The following GAS2 variants were observed in gnomAD, a reference collection of about 807,000 sequenced individuals.
GAS2 encodes the protein growth arrest-specific protein 2.
In GAS2, 20 loss-of-function variants were observed where a neutral mutation model predicts 37.5. The ratio of observed to expected loss-of-function variants is 0.53; its 90% CI spans 0.37 to 0.77. GAS2 has a LOEUF of 0.77. Ranked by LOEUF, GAS2 falls within the 30% of genes least tolerant of loss-of-function variation. GAS2 has a pLI of 0.00. For synonymous variants in GAS2, 144 were observed against 132.2 expected (o/e 1.09, Z -0.61); for missense variants, 336 against 373.4 (o/e 0.90, Z 0.82).
chr11:22,657,558 C>T (rs1848870125), intron 1 of GAS2, among the ~76,000 whole-genome samples: 1 of 151,686 alleles, frequency 6.6e-6, no homozygotes, highest in Non-Finnish European at 1.5e-5. Context: ...CACACACACT[C>T]ACATGCACAC....
rs544460266 is a variant in GAS2 at position 22,719,051 on chromosome 11, A to C, written c.268-7241A>C. On this transcript the variant is annotated intron_variant, in intron 3 of 7. Transcript: ENST00000454584. ...TTAAAGCTTTGTTAAGGTATAATTA[A>C]CATGTAACAAAAATTACATATATTT... Among the ~76,000 whole-genome samples the C allele has an allele frequency of 2.0e-5, 3 of 152,280 alleles. No individual in the cohort carries two copies. In the East Asian group the frequency reaches 5.8e-4, roughly 29 times the overall value.
chr11:22,790,482 C>G (rs1158482837), intron 7 of GAS2, among the ~76,000 whole-genome samples: 1 of 151,736 alleles, frequency 6.6e-6, no homozygotes, highest in African/African-American at 2.4e-5. Flanking sequence ...CAACAATGTC[C>G]TACTTTTCTT....
intron 6 of GAS2, among the ~76,000 whole-genome samples, chr11:22,753,332 A>C (rs1853849627): frequency 6.6e-6 from 1 of 152,058 alleles, no homozygotes; most frequent in Admixed American, 6.6e-5. Context: ...CAACTACAAA[A>C]ACAGCCCTTG....
intron 3 of GAS2, among the ~76,000 whole-genome samples, chr11:22,694,689 A>G (rs965622892): frequency 6.6e-6 from 1 of 152,176 alleles, no homozygotes; most frequent in African/African-American, 2.4e-5. Context: ...TAGCAAATCT[A>G]GCAAACTTTA....
chr11:22,638,895 A>T (rs958446167), intron 1 of GAS2, among the ~76,000 whole-genome samples: 2 of 151,926 alleles, frequency 1.3e-5, no homozygotes, highest in East Asian at 1.9e-4. Context: ...TTTTTGGGAA[A>T]TTTTTTGATC....
chr11:22,773,482 C>T (rs1211144459), intron 7 of GAS2, among the ~76,000 whole-genome samples: 1 of 148,802 alleles, frequency 6.7e-6, no homozygotes, highest in Admixed American at 6.7e-5. Flanking sequence ...CAAGCTCCGC[C>T]TCCCGGATTC....
upstream of GAS2, among the ~76,000 whole-genome samples, chr11:22,663,357 G>C (rs549014379): frequency 6.6e-6 from 1 of 151,818 alleles, no homozygotes; most frequent in East Asian, 1.9e-4. Context: ...AGAGCCTGAA[G>C]GTCAAGGCTG....
At chr11:22,770,909 A>G (rs1172537207) in intron 7 of GAS2, among the ~76,000 whole-genome samples, 2 of 152,114 alleles carry the variant, frequency 1.3e-5, no homozygotes, top group Non-Finnish European at 1.5e-5. Flanking sequence ...TATGAACTTC[A>G]TATCTTCTTG....
At chr11:22,810,083 T>A (rs1006439233) in intron 7 of GAS2, among the ~76,000 whole-genome samples, 1 of 152,182 alleles carries the variant, frequency 6.6e-6, no homozygotes, top group East Asian at 1.9e-4. Context: ...CACTGAAACA[T>A]TGAGTATTTC....
At chr11:22,627,081 C>A (rs1450092047) in intron 1 of GAS2, among the ~76,000 whole-genome samples, 1 of 152,202 alleles carries the variant, frequency 6.6e-6, no homozygotes, top group Non-Finnish European at 1.5e-5. Context: ...GCGTGTGCCA[C>A]CGCGCCCGGC....
chr11:22,754,389 C>T (rs1417425259), intron 6 of GAS2, among the ~76,000 whole-genome samples: 1 of 151,922 alleles, frequency 6.6e-6, no homozygotes, highest in Admixed American at 6.6e-5. Context: ...AAATGAGATA[C>T]AATATGCTAT....
chr11:22,691,509 G>GA (rs963120959), intron 3 of GAS2, among the ~76,000 whole-genome samples: 15 of 152,134 alleles, frequency 9.9e-5, no homozygotes, highest in African/African-American at 3.6e-4. Context: ...GGTTTTGTAT[G>GA]AAAAAGAAAA....
At chr11:22,659,907 AGGGAGGAAG>A (rs1565069951) in intron 1 of GAS2, among the ~76,000 whole-genome samples, 2 of 112,004 alleles carry the variant, frequency 1.8e-5, no homozygotes, top group East Asian at 5.9e-4. Context: ...GGAGGAAGGG[AGGGAGGAAG>A]GGAGGGAGGG....
chr11:22,712,577 A>G (rs867972771), intron 3 of GAS2, among the ~76,000 whole-genome samples: 1 of 152,208 alleles, frequency 6.6e-6, no homozygotes, highest in East Asian at 1.9e-4. Flanking sequence ...GATATTTCCA[A>G]TGAAACATTC....
chr11:22,770,079 T>C (rs1368655226), intron 7 of GAS2, among the ~76,000 whole-genome samples: 1 of 152,044 alleles, frequency 6.6e-6, no homozygotes, highest in Non-Finnish European at 1.5e-5. Flanking sequence ...TTCTCACTCA[T>C]AAGTAGGAGT....
In GAS2 at chr11:22,792,952, A is replaced by G. The variant is rs189104992; in HGVS notation, c.724-18846A>G. ...CAATTTAAAAGACATAACAAAGATG[A>G]TATGTATGGAAGACAAAAACAGGGA... On this transcript the variant is annotated intron_variant, in intron 7 of 7. Coordinates refer to ENST00000454584, the MANE Select transcript of GAS2 (RefSeq NM_001143830.3). Among the ~76,000 whole-genome samples, 4 of 152,304 alleles carry G rather than the reference A, an allele frequency of 2.6e-5. No homozygotes were observed. In the East Asian group the frequency reaches 7.7e-4, roughly 29 times the overall value.
At chr11:22,811,739 G>A in intron 7 of GAS2, 59 bp from the exon 8 acceptor site, 1 of 1,488,198 alleles carries the variant, frequency 6.7e-7, no homozygotes, top group South Asian at 1.1e-5. Flanking sequence ...ACCAGGGGTT[G>A]ATTCAAGGTA....
chr11:22,740,996 A>G (rs11026763), intron 5 of GAS2, among the ~76,000 whole-genome samples: 21,359 of 152,160 alleles, frequency 0.14, 1,669 homozygotes, highest in East Asian at 0.2. Flanking sequence ...ATGTATTCTT[A>G]TATTTGATTC....
intron 4 of GAS2, among the ~76,000 whole-genome samples, 183 bp from the exon 5 acceptor site, chr11:22,737,522 G>T (rs907395518): frequency 6.6e-6 from 1 of 152,154 alleles, no homozygotes; most frequent in African/African-American, 2.4e-5. Context: ...AGAGTTTTGA[G>T]AACTAATTTA....
Sources: allele counts gnomAD v4.1 joint callset (sites outside exome capture counted in the v4.1 genomes callset), GRCh38; gene constraint gnomAD v4.1.1; transcripts MANE v1.5; gene names NCBI Gene and HGNC (gene_info 2026-07-23, HGNC 2026-07-21).